BRD4: variants seen among roughly 807,000 people sequenced by gnomAD.
The protein encoded by BRD4 is bromodomain-containing protein 4.
Under a neutral mutation model 142.1 loss-of-function variants are expected in BRD4, and 16 were observed. The ratio of observed to expected loss-of-function variants is 0.11; its 90% confidence interval spans 0.08 to 0.17. The LOEUF (loss-of-function observed/expected upper bound fraction) is 0.17, where lower values mean the gene tolerates loss of function less well. Among genes scored for constraint, BRD4 ranks in the 10% least tolerant of loss-of-function variants. The probability of loss-of-function intolerance (pLI) is 1.00; values close to 1 mark genes in which losing one functional copy is unlikely to be tolerated. For synonymous variants in BRD4, 833 were observed against 707.5 expected, an observed-to-expected ratio of 1.18 and a Z score of -2.82; for missense variants, 1,424 against 1,810.9, an observed-to-expected ratio of 0.79 and a Z score of 3.88.
At chr19:15,252,765 G>C (rs920074617) in intron 11 of BRD4, among the ~76,000 whole-genome samples, 1 of 152,198 alleles carries the variant, frequency 6.6e-6, no homozygotes, top group Non-Finnish European at 1.5e-5. Context: ...GTGGGCATCT[G>C]GAGTCCTGGA....
chr19:15,273,914 T>TAA (rs1356059477), intron 1 of BRD4, among the ~76,000 whole-genome samples: 35 of 152,194 alleles, frequency 2.3e-4, no homozygotes, highest in African/African-American at 7.7e-4. Flanking sequence ...AGCAGCTTTA[T>TAA]GCCTAGCACA....
At chr19:15,257,681 C>T (rs2047427469) in intron 7 of BRD4, among the ~76,000 whole-genome samples, 1 of 152,208 alleles carries the variant, frequency 6.6e-6, no homozygotes, top group Admixed American at 6.5e-5. Flanking sequence ...GGGGACTAGG[C>T]TCTGCTGTAG....
At chr19:15,267,626 A>T (rs1259290334) in intron 3 of BRD4, 75 bp from the exon 4 acceptor site, 1 of 1,005,646 alleles carries the variant, frequency 9.9e-7, no homozygotes, top group Non-Finnish European at 1.3e-6. Context: ...ACCCCATGCC[A>T]CCCACCCCCT....
Position 15,239,628 on chromosome 19 carries a change from AGCCCTGGCTGT to A in BRD4, c.3445+20_3445+30del. ...TCCAACACGGGCCTCGGGGGGCCTGAGCCCTGGCTGTGGGCAGGGAGAGCACTCACGCTGGG... is the reference window on the plus strand; with the variant it reads ...TCCAACACGGGCCTCGGGGGGCCTGAGGGCAGGGAGAGCACTCACGCTGGG... On this transcript the variant is annotated intron_variant, in intron 16 of 19. Coordinates refer to ENST00000679869, the MANE Select transcript of BRD4 (RefSeq NM_001379291.1). The surrounding 1 kb of genome is among the most constrained non-coding windows in gnomAD (Gnocchi z 7.4). 1 of 1,560,856 alleles carries A rather than the reference AGCCCTGGCTGT, an allele frequency of 6.4e-7. No homozygotes were observed.
chr19:15,332,347 C>T lies in BRD4; in HGVS notation c.-92G>A, dbSNP rs2048169525. 1 of 146,396 alleles carries T rather than the reference C, an allele frequency of 6.8e-6. No individual in the cohort carries two copies. Among genetic ancestry groups the T allele is most frequent in the African/African-American group, 2.5e-5 (1 of 40,504 alleles). 9.1% of individuals were successfully genotyped at this position (146,396 alleles called of 1,614,324 possible). Reference sequence around the variant, plus strand: ...GCCGTCCGCCCGCTGCCGCCGCCCCCTCCCCGAGCTGCCTGCGCGGCGCCG... The same window carrying T: ...GCCGTCCGCCCGCTGCCGCCGCCCCTTCCCCGAGCTGCCTGCGCGGCGCCG... On this transcript the variant is annotated 5_prime_UTR_variant, in exon 1 of 20. Coordinates refer to ENST00000679869, the MANE Select transcript of BRD4 (RefSeq NM_001379291.1).
chr19:15,331,140 T>TAAACAAGC lies in BRD4; in HGVS notation c.-35+1142_-35+1149dup, dbSNP rs138338960. 3.4e-3 allele frequency among the ~76,000 whole-genome samples: 510 copies of TAAACAAGC among 151,938 alleles called. 3 individuals are homozygous for TAAACAAGC. The highest frequency in any genetic ancestry group is 0.012 in the African/African-American group (500 of 41,418). ...CCAGGCTGCACGAAACGTAAACAAG[T>TAAACAAGC]AAACAAGCAAATAAAAATCTTAAAA... On this transcript the variant is annotated intron_variant, in intron 1 of 19. Coordinates refer to ENST00000679869, the MANE Select transcript of BRD4 (RefSeq NM_001379291.1).
Position 15,238,344 on chromosome 19 carries a change from A to C in BRD4, c.*33T>G, listed in dbSNP as rs200882370. The stretch of plus-strand genomic sequence containing the variant: ...CACTATGGAAAGTCAATGTTTTGCC[A>C]GAAAATCAAAGTCAGAAGCCACCTA... On this transcript the variant is annotated 3_prime_UTR_variant, in exon 20 of 20. Transcript: ENST00000679869. This position sits in a 1 kb window ranked among gnomAD's most constrained non-coding sequence, Gnocchi z 7.2. 3 of 1,613,566 alleles carry C rather than the reference A, an allele frequency of 1.9e-6. No individual in the cohort carries two copies. The highest frequency in any genetic ancestry group is 2.5e-6 in the Non-Finnish European group (3 of 1,179,650).
chr19:15,305,904 T>C (rs965674069), intron 1 of BRD4, among the ~76,000 whole-genome samples: 3 of 152,274 alleles, frequency 2.0e-5, no homozygotes, highest in Non-Finnish European at 4.4e-5. Context: ...CCATCAGCAC[T>C]TGCTGCTTCA....
At chr19:15,274,773 G>A (rs1362800253) in intron 1 of BRD4, among the ~76,000 whole-genome samples, 1 of 152,196 alleles carries the variant, frequency 6.6e-6, no homozygotes, top group African/African-American at 2.4e-5. Flanking sequence ...CAAAGCCAAG[G>A]GACAAAAACT....
chr19:15,263,203 G>A (rs997124922), intron 7 of BRD4, among the ~76,000 whole-genome samples: 6 of 152,238 alleles, frequency 3.9e-5, no homozygotes, highest in Non-Finnish European at 8.8e-5. Flanking sequence ...AGTGCTGGTG[G>A]AGGGGGCTTG....
chr19:15,309,078 T>C (rs762876325), intron 1 of BRD4, among the ~76,000 whole-genome samples: 1 of 151,794 alleles, frequency 6.6e-6, no homozygotes, highest in Admixed American at 6.6e-5. Context: ...GGCTCACACC[T>C]GTAATCCCAG....
At chr19:15,312,455 AC>A (rs1434436575) in intron 1 of BRD4, among the ~76,000 whole-genome samples, 2 of 151,746 alleles carry the variant, frequency 1.3e-5, no homozygotes, top group Non-Finnish European at 2.9e-5. Flanking sequence ...CCATGGTGAA[AC>A]CCCGTCTCTA....
intron 1 of BRD4, among the ~76,000 whole-genome samples, chr19:15,313,607 C>T (rs1056233014): frequency 1.3e-5 from 2 of 150,588 alleles, no homozygotes; most frequent in African/African-American, 4.9e-5. Flanking sequence ...ACCCGGCAGG[C>T]GGAGGTTGCA....
intron 7 of BRD4, among the ~76,000 whole-genome samples, chr19:15,261,349 GGCGTGC>G (rs1425510519): frequency 6.6e-6 from 1 of 152,172 alleles, no homozygotes; most frequent in Admixed American, 6.5e-5. Context: ...TGGGCGTGGT[GGCGTGC>G]GCCTGTAATC....
intron 7 of BRD4, among the ~76,000 whole-genome samples, chr19:15,260,077 C>T (rs1178313553): frequency 6.7e-6 from 1 of 148,210 alleles, no homozygotes; most frequent in East Asian, 2.0e-4. Flanking sequence ...CCCTGCCCGG[C>T]ATCCCACAGA....
intron 14 of BRD4, among the ~76,000 whole-genome samples, chr19:15,241,729 C>A (rs986150523): frequency 2.6e-5 from 4 of 151,998 alleles, no homozygotes; most frequent in African/African-American, 9.7e-5. Context: ...CTGCCAGGCC[C>A]AACACCAGTA....
intron 1 of BRD4, among the ~76,000 whole-genome samples, chr19:15,309,825 G>A (rs1306353878): frequency 1.3e-5 from 2 of 152,104 alleles, no homozygotes; most frequent in Non-Finnish European, 2.9e-5. Context: ...AAGGACTGAG[G>A]TACTGTACCC....
intron 11 of BRD4, chr19:15,249,170 A>C: frequency 1.3e-6 from 2 of 1,572,804 alleles, no homozygotes; most frequent in Non-Finnish European, 1.7e-6. Context: ...GGAATTCCAT[A>C]ACTTGATGGA....
At chr19:15,296,931 C>T (rs901731580) in intron 1 of BRD4, among the ~76,000 whole-genome samples, 1 of 152,046 alleles carries the variant, frequency 6.6e-6, no homozygotes, top group Non-Finnish European at 1.5e-5. Flanking sequence ...GAAGCCCCCC[C>T]CACCAACAGC....
Sources: allele counts gnomAD v4.1 joint callset (sites outside exome capture counted in the v4.1 genomes callset), GRCh38; gene constraint gnomAD v4.1.1; non-coding constraint Gnocchi (gnomAD v3.1); transcripts MANE v1.5; gene names NCBI Gene and HGNC (gene_info 2026-07-23, HGNC 2026-07-21).